The following DOCK9 variants were observed in gnomAD, a reference collection of about 807,000 sequenced individuals.
DOCK9 encodes dedicator of cytokinesis 9, also known as dedicator of cytokinesis protein 9.
A neutral mutation model predicts 263.3 loss-of-function variants in DOCK9; 89 were observed. The ratio of observed to expected loss-of-function variants is 0.34; its 90% CI spans 0.28 to 0.40. The LOEUF (loss-of-function observed/expected upper bound fraction) is 0.40. Among genes scored for constraint, DOCK9 ranks in the 10% least tolerant of loss-of-function variants. The probability of loss-of-function intolerance (pLI) is 1.00; values close to 1 mark genes in which losing one functional copy is unlikely to be tolerated. For synonymous variants in DOCK9, 976 were observed against 973.1 expected (o/e 1.00, Z -0.06); for missense variants, 2,140 against 2,603.4 (o/e 0.82, Z 3.87).
chr13:98,808,553 G>T, intron 47 of DOCK9: 1 of 899,712 alleles, frequency 1.1e-6, no homozygotes, highest in Non-Finnish European at 1.8e-6. Flanking sequence ...AAGCTAGCAT[G>T]AAACAAAAAA....
At chr13:98,994,439 C>T (rs1880527628) in intron 1 of DOCK9, among the ~76,000 whole-genome samples, 1 of 152,162 alleles carries the variant, frequency 6.6e-6, no homozygotes, top group Non-Finnish European at 1.5e-5. Flanking sequence ...AATACAGAAA[C>T]CGGCCCCCTC....
At position 99,071,306 on chromosome 13, in the gene DOCK9, C is replaced by CTTTTTTTTTTTTTTT. The variant is rs71114578; in HGVS notation, c.129+14902_129+14916dup. On this transcript the variant is annotated intron_variant, in intron 1 of 32. Transcript: ENST00000427887. ...TACAGGTGCTTGCCACCATGCCTGG[C>CTTTTTTTTTTTTTTT]TTTTTTTTTTTTTTTTTTTTTTTTT... Among the ~76,000 whole-genome samples the CTTTTTTTTTTTTTTT allele has an allele frequency of 2.1e-3, 102 of 49,322 alleles. 8 individuals carry two copies. The highest frequency in any genetic ancestry group is 0.017 in the Middle Eastern group (1 of 58). 32.4% of individuals were successfully genotyped at this position (49,322 alleles called of 152,430 possible). A position where few individuals can be genotyped will look rare whatever the true frequency, so the allele number is the denominator to read the frequency against.
intron 1 of DOCK9, among the ~76,000 whole-genome samples, chr13:98,984,166 C>T (rs1877908093): frequency 6.6e-6 from 1 of 152,098 alleles, no homozygotes; most frequent in South Asian, 2.1e-4. Flanking sequence ...ACAAGGAGAC[C>T]GAGGCCTGGA....
In DOCK9 at chr13:98,818,192, T is replaced by A. The variant is rs542391099; in HGVS notation, c.5130+6206A>T. On this transcript the variant is annotated intron_variant, in intron 45 of 52. Coordinates refer to ENST00000682017, the MANE Select transcript of DOCK9 (RefSeq NM_001366683.2). ...ATCCTAATTTAGTAAGCTATATTAT[T>A]CAAGTTAATGCCAACTCTATACCTA... Among the ~76,000 whole-genome samples the A allele has an allele frequency of 1.4e-3, 211 of 152,328 alleles. 10 individuals carry two copies. In the South Asian group the frequency reaches 0.043, roughly 31 times the overall value.
intron 13 of DOCK9, among the ~76,000 whole-genome samples, chr13:98,900,268 T>C (rs1431937521): frequency 6.6e-6 from 1 of 152,180 alleles, no homozygotes. Flanking sequence ...TTTACACCAA[T>C]ATGAGCTGCC....
rs74578407 is a variant in DOCK9 at position 98,810,034 on chromosome 13, G to A, written c.5253+135C>T. On this transcript the variant is annotated intron_variant, in intron 46 of 52. Transcript: ENST00000682017. ...ATGATGACTGGCCACCACCTTCAGCGTAACGTGGAGGGTCAGAGACCCCCA... is the reference window on the plus strand; with the variant it reads ...ATGATGACTGGCCACCACCTTCAGCATAACGTGGAGGGTCAGAGACCCCCA... 1.4e-3 allele frequency: 1,715 copies of A among 1,246,584 alleles called. 13 individuals carry two copies. In the African/African-American group the frequency reaches 0.024, roughly 17 times the overall value. The allele number at this position is 1,246,584 out of a possible 1,614,324, so 77.2% of individuals were successfully genotyped here. A position where few individuals can be genotyped will look rare whatever the true frequency, so the allele number is the denominator to read the frequency against.
chr13:98,983,913 G>A (rs571586744), intron 1 of DOCK9, among the ~76,000 whole-genome samples: 48 of 152,036 alleles, frequency 3.2e-4, no homozygotes, highest in South Asian at 6.2e-4. Flanking sequence ...CACTGTGCCC[G>A]GCCTCCTCAA....
At chr13:98,800,584 A>G (rs1484201278) in intron 49 of DOCK9, 106 bp from the exon 50 acceptor site, 4 of 1,331,836 alleles carry the variant, frequency 3.0e-6, no homozygotes, top group Non-Finnish European at 4.0e-6. Context: ...TATTACTTAC[A>G]TTTTTAAAAT....
Position 98,846,048 on chromosome 13 carries a change from C to A in DOCK9, c.4074G>T (p.Gly1358=), listed in dbSNP as rs1290732803. 1.3e-6 allele frequency: 2 copies of A among 1,579,262 alleles called. No individual in the cohort carries two copies. Among genetic ancestry groups the A allele is most frequent in the East Asian group, 2.3e-5 (1 of 43,474 alleles). The part of the protein sequence containing the change: ...GKRYIARNQE[G]LGPIVHDRKS... ...TTCGATCATGAACTATGGGTCCCAA[C>A]CCCTCCTGGTTCCTGCAACATGAGT... is the stretch of plus-strand genomic sequence containing the variant. Residue 1358 remains glycine, a synonymous_variant, in exon 38 of 53, where the codon GGG becomes GGT. Coordinates refer to ENST00000682017, the MANE Select transcript of DOCK9 (RefSeq NM_001366683.2).
intron 2 of DOCK9, among the ~76,000 whole-genome samples, chr13:98,932,536 A>C (rs1423463679): frequency 6.6e-6 from 1 of 152,252 alleles, no homozygotes; most frequent in East Asian, 1.9e-4. Flanking sequence ...GGGATCTCAC[A>C]GCATTGGTCC....
intron 1 of DOCK9, among the ~76,000 whole-genome samples, chr13:98,987,694 A>G (rs1595835778): frequency 6.6e-6 from 1 of 152,236 alleles, no homozygotes; most frequent in Admixed American, 6.5e-5. Context: ...TCCTTATTCA[A>G]TTCAGTTCAA....
At chr13:99,004,820 C>T (rs530202018) in intron 1 of DOCK9, among the ~76,000 whole-genome samples, 3 of 148,904 alleles carry the variant, frequency 2.0e-5, no homozygotes, top group Non-Finnish European at 4.5e-5. Flanking sequence ...CACACACACA[C>T]AGTCACATGT....
At chr13:99,012,220 A>G (rs1409410979) in intron 1 of DOCK9, among the ~76,000 whole-genome samples, 2 of 152,164 alleles carry the variant, frequency 1.3e-5, no homozygotes, top group Non-Finnish European at 2.9e-5. Context: ...CATTTTCTTA[A>G]GTATGTTTCT....
chr13:98,953,969 T>C (rs2057735448), intron 2 of DOCK9, among the ~76,000 whole-genome samples: 2 of 152,282 alleles, frequency 1.3e-5, no homozygotes, highest in Admixed American at 6.5e-5. Flanking sequence ...AGAGTGAACA[T>C]TTGTGAAAAT....
chr13:99,027,253 C>T (rs1362901089), intron 1 of DOCK9, among the ~76,000 whole-genome samples: 1 of 152,236 alleles, frequency 6.6e-6, no homozygotes, highest in East Asian at 1.9e-4. Context: ...CTCCTAACCT[C>T]GTGATCCACC....
At position 98,897,547 on chromosome 13, in the gene DOCK9, C is replaced by T; in HGVS notation, c.1650G>A (p.Arg550=). ...CATTGGATAGCTTATTGCTGTCTTGCCTGTAGATGGCAGAAAATCTGGCAT... is the reference window on the plus strand; with the variant it reads ...CATTGGATAGCTTATTGCTGTCTTGTCTGTAGATGGCAGAAAATCTGGCAT... ...DKNARFSAIY[R]QDSNKLSNDD... Residue 550 remains arginine, a synonymous_variant, in exon 15 of 53, where the codon AGG becomes AGA. Coordinates refer to ENST00000682017, the MANE Select transcript of DOCK9 (RefSeq NM_001366683.2). The T allele has an allele frequency of 6.2e-7, 1 of 1,613,928 alleles. No homozygotes were observed. The highest frequency in any genetic ancestry group is 8.5e-7 in the Non-Finnish European group (1 of 1,179,844).
chr13:98,885,786 A>G lies in DOCK9; in HGVS notation c.2182T>C (p.Leu728=), dbSNP rs371792968. The G allele has an allele frequency of 2.5e-4, 407 of 1,612,648 alleles. 1 individual carries two copies. Among genetic ancestry groups the G allele is most frequent in the Non-Finnish European group, 1.7e-4 (203 of 1,179,632 alleles). The stretch of plus-strand genomic sequence containing the variant: ...CAGCTGACATGGAAGAATGTGAGCA[A>G]CAGGTGGTGCTTTTCATGCAGCTGA... ...PTQLHEKHHL[L]LTFFHVSCDN... Residue 728 remains leucine, a synonymous_variant, in exon 20 of 53, where the codon TTG becomes CTG. Transcript: ENST00000682017.
intron 15 of DOCK9, among the ~76,000 whole-genome samples, chr13:98,889,526 A>T (rs913353346): frequency 3.3e-5 from 5 of 152,264 alleles, no homozygotes; most frequent in Middle Eastern, 3.4e-3. Flanking sequence ...TTCTGACTCA[A>T]TCCAATATAG....
At chr13:99,011,258 A>T (rs371939907) in intron 1 of DOCK9, among the ~76,000 whole-genome samples, 10 of 152,356 alleles carry the variant, frequency 6.6e-5, no homozygotes, top group African/African-American at 2.4e-4. Context: ...ACATATATAC[A>T]TAATAAAATT....
Sources: allele counts gnomAD v4.1 joint callset (sites outside exome capture counted in the v4.1 genomes callset), GRCh38; gene constraint gnomAD v4.1.1; transcripts MANE v1.5; gene names NCBI Gene and HGNC (gene_info 2026-07-23, HGNC 2026-07-21).